The following RABGAP1L variants were observed in gnomAD, a reference collection of about 807,000 sequenced individuals.
RABGAP1L encodes rab GTPase-activating protein 1-like.
In RABGAP1L, 63 loss-of-function variants were observed where a neutral mutation model predicts 137.7. That is an observed-to-expected ratio of 0.46 (90% CI 0.37 to 0.56). The LOEUF (loss-of-function observed/expected upper bound fraction) is 0.56. RABGAP1L is among the 20% of genes least tolerant of loss of function. RABGAP1L has a pLI of 0.00. For synonymous variants in RABGAP1L, 431 were observed against 433.7 expected (o/e 0.99, Z 0.08); for missense variants, 1,095 against 1,244.0 (o/e 0.88, Z 1.80).
rs1259939777 is a variant in RABGAP1L at position 174,728,319 on chromosome 1, A to G, written c.2170-23994A>G. 2.0e-5 allele frequency among the ~76,000 whole-genome samples: 3 copies of G among 152,186 alleles called. No homozygotes were observed. In the East Asian group the frequency reaches 5.8e-4, roughly 29 times the overall value. On this transcript the variant is annotated intron_variant, in intron 17 of 25. Coordinates refer to ENST00000681986, the MANE Select transcript of RABGAP1L (RefSeq NM_001366446.1). The stretch of plus-strand genomic sequence containing the variant: ...ATGTACAATAATCAGTAACATTTGT[A>G]TACACCAGTAATGTTCAAGCTCGGA...
In RABGAP1L at chr1:174,995,186, A is replaced by C. The variant is rs1422216508; in HGVS notation, c.*5185A>C. The C allele has an allele frequency of 2.6e-5, 4 of 152,272 alleles. No homozygotes were observed. The highest frequency in any genetic ancestry group is 5.9e-5 in the Non-Finnish European group (4 of 68,052). The allele number at this position is 152,272 out of a possible 1,614,324, so 9.4% of individuals were successfully genotyped here. ...TTTATGTGTGAATGAAGCCTTGTGA[A>C]ATAAACAAATGCAACTGAGAAGGTA... On this transcript the variant is annotated 3_prime_UTR_variant, in exon 26 of 26. Transcript: ENST00000681986.
At chr1:174,763,513 T>TGGTAGCGGGCGC (rs1174386116) in intron 18 of RABGAP1L, among the ~76,000 whole-genome samples, 3 of 150,736 alleles carry the variant, frequency 2.0e-5, no homozygotes, top group Admixed American at 6.6e-5. Flanking sequence ...TAGCCGGGCG[T>TGGTAGCGGGCGC]GGTAGCGGGC....
At chr1:174,645,150 A>G (rs1227522990) in intron 14 of RABGAP1L, among the ~76,000 whole-genome samples, 4 of 152,228 alleles carry the variant, frequency 2.6e-5, no homozygotes, top group African/African-American at 7.2e-5. Context: ...CTATAAATAT[A>G]TATCACATAA....
At chr1:174,554,503 T>C (rs1221402296) in intron 13 of RABGAP1L, among the ~76,000 whole-genome samples, 2 of 152,208 alleles carry the variant, frequency 1.3e-5, no homozygotes, top group South Asian at 4.1e-4. Flanking sequence ...CCTTGAAATT[T>C]TGTATTGGTA....
chr1:174,270,533 G>A (rs1057484290), intron 7 of RABGAP1L, among the ~76,000 whole-genome samples: 2 of 151,960 alleles, frequency 1.3e-5, no homozygotes, highest in Non-Finnish European at 2.9e-5. Flanking sequence ...AGCCCAGACA[G>A]ACTTTATCTC....
chr1:174,521,232 G>A (rs905175768), intron 13 of RABGAP1L, among the ~76,000 whole-genome samples: 2 of 152,160 alleles, frequency 1.3e-5, no homozygotes, highest in African/African-American at 2.4e-5. Context: ...GAATGTAGCA[G>A]ATTATTTAGT....
Position 174,851,050 on chromosome 1 carries a change from C to G in RABGAP1L, c.2340+39090C>G, listed in dbSNP as rs368639301. Among the ~76,000 whole-genome samples the G allele has an allele frequency of 1.2e-3, 184 of 152,316 alleles. 1 individual carries two copies. Among genetic ancestry groups the G allele is most frequent in the African/African-American group, 4.1e-3 (172 of 41,560 alleles). The stretch of plus-strand genomic sequence containing the variant: ...AAGAGGTTGAGAGTGGATTCTTCCC[C>G]AGTCTCCAGATGAGAGTCCAGCCCA... On this transcript the variant is annotated intron_variant, in intron 19 of 25. Coordinates refer to ENST00000681986, the MANE Select transcript of RABGAP1L (RefSeq NM_001366446.1).
At chr1:174,181,034 A>G (rs1666310373) in intron 1 of RABGAP1L, among the ~76,000 whole-genome samples, 2 of 152,206 alleles carry the variant, frequency 1.3e-5, no homozygotes, top group South Asian at 4.1e-4. Context: ...CTTGTCCTAT[A>G]TGATATGGTT....
intron 18 of RABGAP1L, among the ~76,000 whole-genome samples, chr1:174,787,528 A>G (rs1230289791): frequency 6.6e-6 from 1 of 152,222 alleles, no homozygotes; most frequent in East Asian, 1.9e-4. Context: ...ATAATTTTTA[A>G]AAAGCATATT....
intron 1 of RABGAP1L, among the ~76,000 whole-genome samples, chr1:174,202,888 G>A (rs974846635): frequency 3.3e-5 from 5 of 151,842 alleles, no homozygotes; most frequent in African/African-American, 1.2e-4. Flanking sequence ...AGTTTTCCCA[G>A]CACCATTTAT....
In RABGAP1L at chr1:174,995,205, G is replaced by A. The variant is rs574810617; in HGVS notation, c.*5204G>A. On this transcript the variant is annotated 3_prime_UTR_variant, in exon 26 of 26. Coordinates refer to ENST00000681986, the MANE Select transcript of RABGAP1L (RefSeq NM_001366446.1). ...TTGTGAAATAAACAAATGCAACTGA[G>A]AAGGTAACAAGGTGACTGTTTTTGT... 6.6e-6 allele frequency: 1 copy of A among 152,352 alleles called. No individual in the cohort carries two copies. Among genetic ancestry groups the A allele is most frequent in the African/African-American group, 2.4e-5 (1 of 41,590 alleles). 9.4% of individuals were successfully genotyped at this position (152,352 alleles called of 1,614,324 possible). A position where few individuals can be genotyped will look rare whatever the true frequency, so the allele number is the denominator to read the frequency against.
At chr1:174,532,956 C>T (rs904137438) in intron 13 of RABGAP1L, among the ~76,000 whole-genome samples, 2 of 152,030 alleles carry the variant, frequency 1.3e-5, no homozygotes, top group Admixed American at 6.6e-5. Context: ...ACACTATAGC[C>T]GGGCACAGTG....
At chr1:174,955,784 G>C (rs1414415645) in intron 19 of RABGAP1L, among the ~76,000 whole-genome samples, 2 of 152,144 alleles carry the variant, frequency 1.3e-5, no homozygotes, top group Non-Finnish European at 1.5e-5. Context: ...AGGTGTTGCT[G>C]TGTAAAGGAA....
At chr1:174,706,279 T>C (rs1270843674) in intron 17 of RABGAP1L, among the ~76,000 whole-genome samples, 1 of 152,202 alleles carries the variant, frequency 6.6e-6, no homozygotes, top group African/African-American at 2.4e-5. Flanking sequence ...AAGTATTTGC[T>C]TAAATCTGAA....
At chr1:174,730,782 A>G (rs921771092) in intron 17 of RABGAP1L, among the ~76,000 whole-genome samples, 3 of 152,296 alleles carry the variant, frequency 2.0e-5, no homozygotes, top group East Asian at 3.9e-4. Context: ...CACAAGTTCA[A>G]GGTCCTAAAG....
intron 19 of RABGAP1L, among the ~76,000 whole-genome samples, chr1:174,841,575 AT>A (rs1339858633): frequency 2.0e-5 from 3 of 152,124 alleles, no homozygotes; most frequent in African/African-American, 7.2e-5. Context: ...AATAAAAGTT[AT>A]AAATTAGACA....
chr1:174,855,143 G>T (rs1459890466), intron 19 of RABGAP1L, among the ~76,000 whole-genome samples: 1 of 152,044 alleles, frequency 6.6e-6, no homozygotes, highest in Non-Finnish European at 1.5e-5. Context: ...CATAAAATCA[G>T]GAACCTGATT....
chr1:174,789,308 A>G (rs1687679821), intron 18 of RABGAP1L, among the ~76,000 whole-genome samples: 1 of 152,168 alleles, frequency 6.6e-6, no homozygotes, highest in African/African-American at 2.4e-5. Flanking sequence ...CACTGCAATT[A>G]ACCAGGTAGA....
At chr1:174,907,637 A>G (rs1659320079) in intron 19 of RABGAP1L, among the ~76,000 whole-genome samples, 2 of 152,198 alleles carry the variant, frequency 1.3e-5, no homozygotes, top group Admixed American at 1.3e-4. Context: ...TCTTTTAAAA[A>G]TAATTTGTTA....
Sources: allele counts gnomAD v4.1 joint callset (sites outside exome capture counted in the v4.1 genomes callset), GRCh38; gene constraint gnomAD v4.1.1; transcripts MANE v1.5; gene names NCBI Gene and HGNC (gene_info 2026-07-23, HGNC 2026-07-21).